Variants in IPO9 observed in about 807,000 individuals in gnomAD.
IPO9 encodes the protein importin 9.
Under a neutral mutation model 128.6 loss-of-function variants are expected in IPO9, and 28 were observed. The ratio of observed to expected loss-of-function variants is 0.22; its 90% CI spans 0.16 to 0.30. The LOEUF is 0.30. Among genes scored for constraint, IPO9 ranks in the 10% least tolerant of loss-of-function variants. IPO9 has a pLI of 1.00. For missense variants in IPO9, 935 were observed against 1,293.9 expected, an observed-to-expected ratio of 0.72 and a Z score of 4.26; for synonymous variants, 455 against 475.8, an observed-to-expected ratio of 0.96 and a Z score of 0.57.
intron 14 of IPO9, among the ~76,000 whole-genome samples, chr1:201,865,430 A>T (rs1680534838): frequency 6.6e-6 from 1 of 151,004 alleles, no homozygotes; most frequent in Admixed American, 6.6e-5. Context: ...CTGGTTTCAA[A>T]CTCCTGACCT....
At chr1:201,874,495 T>G in intron 21 of IPO9, 123 bp downstream of exon 21, 1 of 1,103,702 alleles carries the variant, frequency 9.1e-7, no homozygotes, top group Non-Finnish European at 1.3e-6. Context: ...ATGGCTGCTC[T>G]GTGGCTGGCA....
intron 13 of IPO9, among the ~76,000 whole-genome samples, 168 bp downstream of exon 13, chr1:201,859,162 C>A (rs1680389461): frequency 1.1e-5 from 1 of 95,206 alleles, no homozygotes; most frequent in Non-Finnish European, 2.2e-5. Context: ...TGTACATGTA[C>A]CCTAGAACTC....
At chr1:201,862,973 C>T (rs931360108) in intron 13 of IPO9, among the ~76,000 whole-genome samples, 2 of 152,184 alleles carry the variant, frequency 1.3e-5, no homozygotes, top group African/African-American at 4.8e-5. Flanking sequence ...ACAGGTCACA[C>T]ATTTGCTTTC....
In IPO9 at chr1:201,881,178, G is replaced by A. The variant is rs1013246477; in HGVS notation, c.*5124G>A. 3.3e-5 allele frequency: 5 copies of A among 152,200 alleles called. No individual in the cohort carries two copies. The highest frequency in any genetic ancestry group is 9.7e-5 in the African/African-American group (4 of 41,442). 9.4% of individuals were successfully genotyped at this position (152,200 alleles called of 1,614,324 possible). ...AAGTCGGGTAAGTTGCATGGAGAAGGCAACCCTTGAACACTTGCAAGGAGC... is the reference window on the plus strand; with the variant it reads ...AAGTCGGGTAAGTTGCATGGAGAAGACAACCCTTGAACACTTGCAAGGAGC... On this transcript the variant is annotated 3_prime_UTR_variant, in exon 24 of 24. Transcript: ENST00000361565.
intron 1 of IPO9, among the ~76,000 whole-genome samples, chr1:201,834,631 T>C (rs1298827136): frequency 6.6e-6 from 1 of 152,234 alleles, no homozygotes; most frequent in Non-Finnish European, 1.5e-5. Context: ...CAGACTTTCT[T>C]ACATAACTAG....
rs1200728118 is a variant in IPO9, at chr1:201,863,435, G to A, written c.1469-13G>A. The A allele has an allele frequency of 4.5e-6, 7 of 1,562,396 alleles. No individual in the cohort carries two copies. Among genetic ancestry groups the A allele is most frequent in the African/African-American group, 1.3e-5 (1 of 74,182 alleles). ...TCATTTTCCAGCCCCTAATTGTTCT[G>A]TCTTTCTCCCAGTGTCTCCTTTCCT... On this transcript the variant is annotated splice_polypyrimidine_tract_variant and intron_variant, in intron 13 of 23. Coordinates refer to ENST00000361565, the MANE Select transcript of IPO9 (RefSeq NM_018085.5).
rs183356173 is a variant in IPO9, at chr1:201,847,531, C to T, written c.226-21C>T. The T allele has an allele frequency of 6.2e-6, 10 of 1,601,958 alleles. No individual in the cohort carries two copies. The East Asian group carries it at 1.8e-4, about 29-fold the overall frequency. On this transcript the variant is annotated intron_variant, in intron 2 of 23. Transcript: ENST00000361565. ...AAAAAATCTTTTTCTTGCTGTACTACTTGGCTTATTCTCTTCACAGCTGGC... is the reference window on the plus strand; with the variant it reads ...AAAAAATCTTTTTCTTGCTGTACTATTTGGCTTATTCTCTTCACAGCTGGC...
At chr1:201,859,111 C>T (rs1356908304) in intron 13 of IPO9, 117 bp downstream of exon 13, 1 of 894,272 alleles carries the variant, frequency 1.1e-6, no homozygotes, top group African/African-American at 1.7e-5. Flanking sequence ...GGGTGCAGCA[C>T]ACCAACATGG....
At chr1:201,849,394 C>CT (rs1348614206) in intron 4 of IPO9, among the ~76,000 whole-genome samples, 1 of 152,234 alleles carries the variant, frequency 6.6e-6, no homozygotes, top group Non-Finnish European at 1.5e-5. Flanking sequence ...AGTCACTACT[C>CT]TGTTTTGCCT....
intron 14 of IPO9, 88 bp from the exon 15 acceptor site, chr1:201,866,645 C>A: frequency 2.0e-6 from 2 of 976,406 alleles, no homozygotes; most frequent in Admixed American, 2.0e-5. Flanking sequence ...TAAAGCTACA[C>A]ATACAAATGC....
chr1:201,857,213 T>A lies in IPO9; in HGVS notation c.1221+19T>A. On this transcript the variant is annotated intron_variant, in intron 11 of 23. Transcript: ENST00000361565. ...GTTGCTGGTAAGTTTACCTTGATAC[T>A]TCAGCCACATAATTTCTATCAGTCA... 7.1e-7 allele frequency: 1 copy of A among 1,414,136 alleles called. No homozygotes were observed. The highest frequency in any genetic ancestry group is 1.0e-6 in the Non-Finnish European group (1 of 997,874). The allele number at this position is 1,414,136 out of a possible 1,614,324, so 87.6% of individuals were successfully genotyped here.
chr1:201,830,767 G>T (rs1216841925), intron 1 of IPO9, among the ~76,000 whole-genome samples: 1 of 152,200 alleles, frequency 6.6e-6, no homozygotes, highest in Non-Finnish European at 1.5e-5. Context: ...TGAGAGTCTG[G>T]TGCAAATTCA....
chr1:201,850,237 G>A (rs1680190233), intron 4 of IPO9, among the ~76,000 whole-genome samples: 1 of 152,200 alleles, frequency 6.6e-6, no homozygotes, highest in Non-Finnish European at 1.5e-5. Flanking sequence ...TAGCAGCCAA[G>A]CCCCATTCCC....
chr1:201,870,968 A>C lies in IPO9; in HGVS notation c.2409+110A>C. 2.9e-6 allele frequency: 4 copies of C among 1,367,808 alleles called. No individual in the cohort carries two copies. The South Asian group carries it at 5.6e-5, about 19-fold the overall frequency. The allele number at this position is 1,367,808 out of a possible 1,614,324, so 84.7% of individuals were successfully genotyped here. ...TACCCTCTTACTAGCCTTGTAGGAC[A>C]GTTAAGTAAAATGGGACCTGTCTGA... On this transcript the variant is annotated intron_variant, in intron 18 of 23. Coordinates refer to ENST00000361565, the MANE Select transcript of IPO9 (RefSeq NM_018085.5). The surrounding 1 kb of genome is among the most constrained non-coding windows in gnomAD (Gnocchi z 4.9).
At position 201,847,285 on chromosome 1, in the gene IPO9, G is replaced by C. The variant is rs1473912034; in HGVS notation, c.170G>C (p.Gly57Ala). 1 of 1,613,708 alleles carries C rather than the reference G, an allele frequency of 6.2e-7. No individual in the cohort carries two copies. The highest frequency in any genetic ancestry group is 1.7e-5 in the Admixed American group (1 of 59,978). The change falls in exon 2 of 24, where the codon GGT becomes GCT. Residue 57 changes from glycine (G) to alanine (A), a missense_variant. Around this residue, in one of 3 missense-constraint regions of IPO9, gnomAD observed 741 missense variants for 1,019.1 expected, o/e 0.73. Transcript: ENST00000361565. ...IKVLEVTEEF[G>A]VHLAELTVDP... Reference sequence around the variant, plus strand: ...ATAAAATTTTCTCTTTCAGAATTTGGTGTTCACTTGGCAGAACTGACTGTA... The same window carrying C: ...ATAAAATTTTCTCTTTCAGAATTTGCTGTTCACTTGGCAGAACTGACTGTA...
At chr1:201,841,488 A>G (rs1397207111) in intron 1 of IPO9, among the ~76,000 whole-genome samples, 4 of 152,214 alleles carry the variant, frequency 2.6e-5, no homozygotes, top group Non-Finnish European at 5.9e-5. Context: ...GGATGGCTAT[A>G]TGGTTAGGTA....
intron 1 of IPO9, among the ~76,000 whole-genome samples, chr1:201,830,900 T>C (rs1226787179): frequency 1.3e-5 from 2 of 152,226 alleles, no homozygotes; most frequent in African/African-American, 4.8e-5. Flanking sequence ...AACTCCACTT[T>C]TGCTCTGATC....
intron 1 of IPO9, among the ~76,000 whole-genome samples, chr1:201,830,680 C>T (rs1679817278): frequency 6.6e-6 from 1 of 152,132 alleles, no homozygotes; most frequent in South Asian, 2.1e-4. Context: ...TAATGTCTGT[C>T]CCCCTTGAGT....
rs1222808096 is a variant in IPO9, at chr1:201,866,825, A to G, written c.1721A>G (p.Gln574Arg). Residue 574 changes from glutamine to arginine, a missense_variant, in exon 15 of 24, where the codon CAG (glutamine) becomes CGG (arginine). Around this residue, in one of 3 missense-constraint regions of IPO9, gnomAD observed 741 missense variants for 1,019.1 expected, o/e 0.73. Transcript: ENST00000361565. ...ILDGLIHLAA[Q>R]FSSEVLNLVM... ...GATGGCTTAATTCACCTAGCAGCCCAGTTCAGCTCAGAGGTCCTCAACCTG... is the reference window on the plus strand; with the variant it reads ...GATGGCTTAATTCACCTAGCAGCCCGGTTCAGCTCAGAGGTCCTCAACCTG... The G allele has an allele frequency of 6.2e-7, 1 of 1,614,022 alleles. No individual in the cohort carries two copies. The highest frequency in any genetic ancestry group is 1.3e-5 in the African/African-American group (1 of 74,884).
Sources: gnomAD v4.1 joint callset for allele counts (sites outside exome capture counted in the v4.1 genomes callset) on GRCh38, gnomAD v4.1.1 for gene constraint, gnomAD v4.1.1 regional missense constraint, Gnocchi (gnomAD v3.1) non-coding constraint, MANE v1.5 for transcripts, NCBI Gene and HGNC (gene_info 2026-07-23, HGNC 2026-07-21) for gene names.